CREM: variants seen among roughly 807,000 people sequenced by gnomAD.
CREM encodes cAMP responsive element modulator, also known as cAMP-responsive element modulator.
A neutral mutation model predicts 37.3 loss-of-function variants in CREM; 13 were observed. That is an observed-to-expected ratio of 0.35 (90% CI 0.23 to 0.55). CREM has a LOEUF of 0.55. Among genes scored for constraint, CREM ranks in the 20% least tolerant of loss-of-function variants. The pLI is 0.88. For synonymous variants in CREM, 124 were observed against 120.2 expected, an observed-to-expected ratio of 1.03 and a Z score of -0.21; for missense variants, 296 against 362.3, an observed-to-expected ratio of 0.82 and a Z score of 1.49.
intron 3 of CREM, among the ~76,000 whole-genome samples, chr10:35,166,540 G>A (rs1457232095): frequency 6.6e-6 from 1 of 150,614 alleles, no homozygotes; most frequent in South Asian, 2.1e-4. Flanking sequence ...CCTCCAGCCT[G>A]GGCGACAGAA....
At chr10:35,143,860 T>C (rs1426309614) in intron 2 of CREM, among the ~76,000 whole-genome samples, 1 of 152,082 alleles carries the variant, frequency 6.6e-6, no homozygotes, top group East Asian at 1.9e-4. Flanking sequence ...CAGTACTCTC[T>C]TGAGAGGACA....
At chr10:35,172,612 T>C (rs904136239) in intron 3 of CREM, among the ~76,000 whole-genome samples, 1 of 151,962 alleles carries the variant, frequency 6.6e-6, no homozygotes, top group Non-Finnish European at 1.5e-5. Flanking sequence ...AGAATATCTT[T>C]GATGAAGCAG....
intron 6 of CREM, chr10:35,201,571 T>G: frequency 3.3e-6 from 5 of 1,518,490 alleles, no homozygotes; most frequent in Non-Finnish European, 4.5e-6. Flanking sequence ...CAAAGAGAGA[T>G]ATGTAGTTAA....
chr10:35,194,319 AT>A (rs1018374070), intron 6 of CREM, among the ~76,000 whole-genome samples: 6 of 133,220 alleles, frequency 4.5e-5, no homozygotes, highest in African/African-American at 1.3e-4. Context: ...AAAATTTGAC[AT>A]TTAAAAAAAA....
At position 35,175,809 on chromosome 10, in the gene CREM, A is replaced by G. The variant is rs770080709; in HGVS notation, c.169-3080A>G. 3.7e-6 allele frequency: 6 copies of G among 1,611,730 alleles called. No homozygotes were observed. The South Asian group carries it at 5.5e-5, about 15-fold the overall frequency. On this transcript the variant is annotated intron_variant, in intron 3 of 7. Transcript: ENST00000685392. ...ACTTAAAAATAGCAAAAACAATAACAAAAAAGGTCCAGCTTTAATCCTCAA... is the reference window on the plus strand; with the variant it reads ...ACTTAAAAATAGCAAAAACAATAACGAAAAAGGTCCAGCTTTAATCCTCAA...
Position 35,165,068 on chromosome 10 carries a change from A to T in CREM, c.169-13821A>T, listed in dbSNP as rs558717774. Among the ~76,000 whole-genome samples, 906 of 150,890 alleles carry T rather than the reference A, an allele frequency of 6.0e-3. 9 individuals carry two copies. The highest frequency in any genetic ancestry group is 7.6e-3 in the Non-Finnish European group (515 of 67,744). ...CGAGGCTCCATCTCAAAAAAAAAAA[A>T]AAAAAAAAAAGAAAAGGAAAAAGAA... On this transcript the variant is annotated intron_variant, in intron 3 of 7. Transcript: ENST00000685392.
intron 2 of CREM, among the ~76,000 whole-genome samples, chr10:35,147,119 C>T (rs899988085): frequency 2.1e-5 from 3 of 143,848 alleles, no homozygotes. Context: ...GGCGCAATCT[C>T]GGCTCACTGC....
intron 3 of CREM, among the ~76,000 whole-genome samples, chr10:35,176,536 T>G (rs1221688098): frequency 6.6e-6 from 1 of 151,556 alleles, no homozygotes; most frequent in Non-Finnish European, 1.5e-5. Flanking sequence ...GCCTCCCGAG[T>G]AGCTGGGACT....
chr10:35,210,307 G>A (rs1477543720), intron 7 of CREM: 1 of 152,076 alleles, frequency 6.6e-6, no homozygotes, highest in Non-Finnish European at 1.5e-5. Context: ...TAAGGGAAGT[G>A]GTTGCCATCC....
At chr10:35,165,210 A>G (rs1190681954) in intron 3 of CREM, among the ~76,000 whole-genome samples, 2 of 152,114 alleles carry the variant, frequency 1.3e-5, no homozygotes, top group South Asian at 2.1e-4. Context: ...CAGAAGCTTC[A>G]AATCATGGCA....
rs1479882870 is a variant in CREM, at chr10:35,175,402, C to T, written c.169-3487C>T. On this transcript the variant is annotated intron_variant, in intron 3 of 7. Coordinates refer to ENST00000685392, the MANE Select transcript of CREM (RefSeq NM_183011.2). ...TAGAGCTTGCAGGGAGCCAAGATCA[C>T]GCCACTGCACTCCAGCCTGGGCAGC... Among the ~76,000 whole-genome samples, 10 of 152,140 alleles carry T rather than the reference C, an allele frequency of 6.6e-5. No homozygotes were observed. In the South Asian group the frequency reaches 1.0e-3, roughly 16 times the overall value.
Position 35,160,961 on chromosome 10 carries a change from T to G in CREM, c.168+12470T>G, listed in dbSNP as rs182078687. Among the ~76,000 whole-genome samples, 7 of 152,356 alleles carry G rather than the reference T, an allele frequency of 4.6e-5. No individual in the cohort carries two copies. In the East Asian group the frequency reaches 1.4e-3, roughly 29 times the overall value. On this transcript the variant is annotated intron_variant, in intron 3 of 7. Coordinates refer to ENST00000685392, the MANE Select transcript of CREM (RefSeq NM_183011.2). The stretch of plus-strand genomic sequence containing the variant: ...ACACTCATGGAGCTGTCATCTCTTA[T>G]GACAGTGCCTTCTTCTGGATACTCG...
At chr10:35,148,598 T>G in intron 3 of CREM, 107 bp downstream of exon 3, 1 of 1,223,248 alleles carries the variant, frequency 8.2e-7, no homozygotes, top group Non-Finnish European at 1.1e-6. Context: ...GTTCCCTGGT[T>G]ATCAGCCATT....
At chr10:35,172,412 T>G (rs1158587266) in intron 3 of CREM, among the ~76,000 whole-genome samples, 1 of 152,160 alleles carries the variant, frequency 6.6e-6, no homozygotes, top group Non-Finnish European at 1.5e-5. Flanking sequence ...TTCACGGTGA[T>G]GCTAAGATGT....
At chr10:35,149,452 T>C (rs1411866980) in intron 3 of CREM, among the ~76,000 whole-genome samples, 1 of 152,164 alleles carries the variant, frequency 6.6e-6, no homozygotes, top group Non-Finnish European at 1.5e-5. Context: ...CACTGTACTC[T>C]AAATAGTATT....
intron 3 of CREM, among the ~76,000 whole-genome samples, chr10:35,160,986 G>A (rs1208800816): frequency 1.3e-5 from 2 of 152,090 alleles, no homozygotes; most frequent in East Asian, 1.9e-4. Flanking sequence ...CTGGATACTC[G>A]CTGAAAGACC....
At chr10:35,209,915 T>G (rs1241823204) in intron 7 of CREM, among the ~76,000 whole-genome samples, 4 of 152,194 alleles carry the variant, frequency 2.6e-5, no homozygotes, top group Non-Finnish European at 5.9e-5. Flanking sequence ...TCTGAGAACT[T>G]TGTATGTTCA....
chr10:35,129,586 G>A (rs555492177), intron 1 of CREM, among the ~76,000 whole-genome samples: 4 of 152,278 alleles, frequency 2.6e-5, no homozygotes, highest in Non-Finnish European at 5.9e-5. Flanking sequence ...TAGGTTTATT[G>A]TTTAAGTGGA....
At chr10:35,165,128 G>A (rs2093485649) in intron 3 of CREM, among the ~76,000 whole-genome samples, 1 of 150,092 alleles carries the variant, frequency 6.7e-6, no homozygotes, top group Non-Finnish European at 1.5e-5. Context: ...AAGAAAAGAA[G>A]TTTGTTTTGG....
Sources: allele counts gnomAD v4.1 joint callset (sites outside exome capture counted in the v4.1 genomes callset), GRCh38; gene constraint gnomAD v4.1.1; transcripts MANE v1.5; gene names NCBI Gene and HGNC (gene_info 2026-07-23, HGNC 2026-07-21).